ENPP3: variants seen among roughly 807,000 people sequenced by gnomAD.
The protein encoded by ENPP3 is ectonucleotide pyrophosphatase/phosphodiesterase family member 3.
Under a neutral mutation model 117.8 loss-of-function variants are expected in ENPP3, and 104 were observed. The ratio of observed to expected loss-of-function variants is 0.88; its 90% CI spans 0.75 to 1.04. The LOEUF is 1.04. Ranked by LOEUF, ENPP3 falls within the 50% of genes least tolerant of loss-of-function variation. The probability of loss-of-function intolerance (pLI) is 0.00; values close to 1 mark genes in which losing one functional copy is unlikely to be tolerated. For synonymous variants in ENPP3, 380 were observed against 349.9 expected (o/e 1.09, Z -0.96); for missense variants, 1,026 against 1,051.9 (o/e 0.98, Z 0.34).
At chr6:131,679,772 A>G (rs755516154) in intron 11 of ENPP3, among the ~76,000 whole-genome samples, 16 of 152,162 alleles carry the variant, frequency 1.1e-4, no homozygotes, top group Admixed American at 8.5e-4. Flanking sequence ...AAATGAACAA[A>G]TGGTCTGACA....
intron 24 of ENPP3, among the ~76,000 whole-genome samples, chr6:131,744,297 GC>G (rs1780588225): frequency 6.6e-6 from 1 of 152,110 alleles, no homozygotes; most frequent in South Asian, 2.1e-4. Flanking sequence ...TGAGAATGTA[GC>G]CATTAGTCCA....
intron 24 of ENPP3, among the ~76,000 whole-genome samples, chr6:131,743,825 A>G (rs1203680976): frequency 2.2e-5 from 1 of 44,526 alleles, no homozygotes; most frequent in Non-Finnish European, 4.1e-5. Context: ...ACTCTGTCTC[A>G]AAATAAAATA....
intron 2 of ENPP3, among the ~76,000 whole-genome samples, chr6:131,641,763 C>A (rs531021231): frequency 2.1e-5 from 3 of 142,166 alleles, no homozygotes; most frequent in African/African-American, 7.9e-5. Flanking sequence ...GACTCATTAT[C>A]ATTCCAGTGT....
rs74691057 is a variant in ENPP3, at chr6:131,743,389, A to G, written c.2457+3009A>G. 2.3e-3 allele frequency among the ~76,000 whole-genome samples: 355 copies of G among 152,260 alleles called. 1 individual carries two copies. The highest frequency in any genetic ancestry group is 8.2e-3 in the African/African-American group (340 of 41,572). ...GGCAAATATGTTAGTTTCCTCATCT[A>G]TTATATCTAATAAGTATAAAATATT... On this transcript the variant is annotated intron_variant, in intron 24 of 24. Coordinates refer to ENST00000357639, the MANE Select transcript of ENPP3 (RefSeq NM_005021.5).
intron 21 of ENPP3, among the ~76,000 whole-genome samples, chr6:131,734,647 A>G (rs1383737266): frequency 6.6e-6 from 1 of 152,138 alleles, no homozygotes; most frequent in African/African-American, 2.4e-5. Context: ...CTGTAATCCC[A>G]GCACTTTGGG....
At chr6:131,648,226 G>A (rs572103009) in intron 2 of ENPP3, among the ~76,000 whole-genome samples, 1 of 151,456 alleles carries the variant, frequency 6.6e-6, no homozygotes, top group Non-Finnish European at 1.5e-5. Flanking sequence ...GATGAATTCA[G>A]GAGATCTAAT....
At chr6:131,637,644 A>G (rs1225270640) in intron 1 of ENPP3, among the ~76,000 whole-genome samples, 182 bp downstream of exon 1, 1 of 152,238 alleles carries the variant, frequency 6.6e-6, no homozygotes, top group Non-Finnish European at 1.5e-5. Context: ...TTTACACGTA[A>G]GAAATTTGAG....
chr6:131,665,212 A>G (rs141050618), intron 6 of ENPP3, among the ~76,000 whole-genome samples: 39 of 152,150 alleles, frequency 2.6e-4, no homozygotes, highest in Non-Finnish European at 4.0e-4. Context: ...CTGAAATTAT[A>G]TTTTATTGTG....
chr6:131,639,268 T>A lies in ENPP3; in HGVS notation c.78+1806T>A, dbSNP rs1182447078. 2.8e-3 allele frequency among the ~76,000 whole-genome samples: 383 copies of A among 139,004 alleles called. 2 individuals are homozygous for A. Among genetic ancestry groups the A allele is most frequent in the African/African-American group, 8.7e-3 (341 of 39,136 alleles). The allele number at this position is 139,004 out of a possible 152,430, so 91.2% of individuals were successfully genotyped here. A position where few individuals can be genotyped will look rare whatever the true frequency, so the allele number is the denominator to read the frequency against. On this transcript the variant is annotated intron_variant, in intron 1 of 24. Coordinates refer to ENST00000357639, the MANE Select transcript of ENPP3 (RefSeq NM_005021.5). ...GCTAATATATATATATATATATATT[T>A]TTTTTTTTTTCTCTCTCTCTTTTTT...
At chr6:131,682,709 G>C (rs1779052372) in intron 11 of ENPP3, among the ~76,000 whole-genome samples, 1 of 152,086 alleles carries the variant, frequency 6.6e-6, no homozygotes, top group African/African-American at 2.4e-5. Context: ...CCCTTAGGCT[G>C]TCTTAGAAGT....
intron 15 of ENPP3, among the ~76,000 whole-genome samples, chr6:131,695,407 A>G (rs1262981335): frequency 6.6e-6 from 1 of 152,168 alleles, no homozygotes. Flanking sequence ...CAGCACTGAA[A>G]TGTTAAAAGA....
intron 17 of ENPP3, 35 bp from the exon 18 acceptor site, chr6:131,722,192 T>C (rs1185473195): frequency 6.6e-7 from 1 of 1,506,986 alleles, no homozygotes; most frequent in Non-Finnish European, 9.2e-7. Flanking sequence ...CTTTCCAGTG[T>C]AAAGCTACTT....
chr6:131,669,910 A>G (rs1778704342), intron 6 of ENPP3, among the ~76,000 whole-genome samples: 1 of 152,162 alleles, frequency 6.6e-6, no homozygotes, highest in Non-Finnish European at 1.5e-5. Flanking sequence ...AATTAATTTC[A>G]TGTTTTGTTT....
intron 11 of ENPP3, among the ~76,000 whole-genome samples, chr6:131,679,026 C>T (rs9388912): frequency 0.011 from 532 of 47,638 alleles, 13 homozygotes; most frequent in African/African-American, 0.024. Context: ...TCCTTCCTTC[C>T]TTCTTTCTTT....
At chr6:131,681,221 C>T (rs1328105446) in intron 11 of ENPP3, among the ~76,000 whole-genome samples, 1 of 152,264 alleles carries the variant, frequency 6.6e-6, no homozygotes, top group South Asian at 2.1e-4. Flanking sequence ...GGCTTGTGTT[C>T]AAGTCCTGCT....
intron 18 of ENPP3, among the ~76,000 whole-genome samples, chr6:131,723,166 T>C (rs971756400): frequency 2.0e-5 from 3 of 152,198 alleles, no homozygotes; most frequent in Admixed American, 1.3e-4. Context: ...AATGTGTTTG[T>C]AGAACTAAAT....
intron 1 of ENPP3, among the ~76,000 whole-genome samples, chr6:131,640,970 C>T (rs751803021): frequency 6.6e-6 from 1 of 152,060 alleles, no homozygotes; most frequent in Non-Finnish European, 1.5e-5. Flanking sequence ...ACTATTTGGA[C>T]AATGTATTTT....
intron 14 of ENPP3, 81 bp downstream of exon 14, chr6:131,685,988 A>C: frequency 1.9e-6 from 1 of 520,480 alleles, no homozygotes; most frequent in Non-Finnish European, 3.5e-6. Context: ...TTCATATTGT[A>C]TATTTCTAAA....
intron 24 of ENPP3, among the ~76,000 whole-genome samples, chr6:131,745,136 G>A (rs902170138): frequency 2.0e-5 from 3 of 152,066 alleles, no homozygotes; most frequent in African/African-American, 7.2e-5. Flanking sequence ...TAAACCAAAT[G>A]GGAGAAAATG....
Sources: allele counts gnomAD v4.1 joint callset (sites outside exome capture counted in the v4.1 genomes callset), GRCh38; gene constraint gnomAD v4.1.1; transcripts MANE v1.5; gene names NCBI Gene and HGNC (gene_info 2026-07-23, HGNC 2026-07-21).